Variants in NRP2 observed in about 807,000 individuals in gnomAD.
NRP2 encodes neuropilin-2.
Under a neutral mutation model 110.4 loss-of-function variants are expected in NRP2, and 52 were observed. The observed-to-expected ratio is 0.47, with a 90% CI of 0.38 to 0.59. The LOEUF (loss-of-function observed/expected upper bound fraction) is 0.59. NRP2 is among the 20% of genes least tolerant of loss of function. The pLI, the probability that NRP2 is intolerant of heterozygous loss-of-function variation, is 0.00. For synonymous variants in NRP2, 508 were observed against 468.9 expected (o/e 1.08, Z -1.08); for missense variants, 1,049 against 1,203.0 (o/e 0.87, Z 1.89).
chr2:205,788,146 C>A (rs2058256470), intron 15 of NRP2, among the ~76,000 whole-genome samples: 1 of 152,152 alleles, frequency 6.6e-6, no homozygotes, highest in Non-Finnish European at 1.5e-5. Flanking sequence ...GACCTTGAAT[C>A]ATGCCTCACC....
Position 205,743,342 on chromosome 2 carries a change from A to C in NRP2, c.1431A>C (p.Arg477=). The change falls in exon 9 of 17, where the codon CGA becomes CGC. Residue 477 remains arginine (R), a synonymous_variant. Transcript: ENST00000357785. The part of the protein sequence containing the change: ...LVSSRSGWFP[R]IPQAQPGEEW... Reference sequence around the variant, plus strand: ...GCAGCCGCTCGGGCTGGTTCCCTCGAATCCCTCAGGCCCAGCCCGGTGAGG... The same window carrying C: ...GCAGCCGCTCGGGCTGGTTCCCTCGCATCCCTCAGGCCCAGCCCGGTGAGG... 2 of 1,614,202 alleles carry C rather than the reference A, an allele frequency of 1.2e-6. No homozygotes were observed. The highest frequency in any genetic ancestry group is 1.7e-6 in the Non-Finnish European group (2 of 1,180,008).
At chr2:205,692,485 G>A (rs1044535241) in intron 1 of NRP2, among the ~76,000 whole-genome samples, 5 of 152,204 alleles carry the variant, frequency 3.3e-5, no homozygotes, top group Admixed American at 1.3e-4. Context: ...CAACGACTTA[G>A]ATGATCTGGG....
chr2:205,791,182 C>G (rs540176182), intron 15 of NRP2, among the ~76,000 whole-genome samples: 9 of 152,176 alleles, frequency 5.9e-5, no homozygotes, highest in African/African-American at 1.9e-4. Context: ...TTTTCTCCCT[C>G]TTGTCTGATA....
intron 16 of NRP2, among the ~76,000 whole-genome samples, chr2:205,793,231 A>C (rs964266418): frequency 6.6e-6 from 1 of 152,188 alleles, no homozygotes; most frequent in African/African-American, 2.4e-5. Context: ...ATGGAGTAGA[A>C]AGGGCAATGG....
At chr2:205,793,822 G>C (rs1042794241) in intron 16 of NRP2, among the ~76,000 whole-genome samples, 1 of 152,140 alleles carries the variant, frequency 6.6e-6, no homozygotes. Flanking sequence ...ATGAATTTAA[G>C]TGTCTGGGAG....
At chr2:205,703,737 T>A (rs780687384) in intron 2 of NRP2, among the ~76,000 whole-genome samples, 1 of 152,166 alleles carries the variant, frequency 6.6e-6, no homozygotes, top group Non-Finnish European at 1.5e-5. Flanking sequence ...GCTGGTGTCA[T>A]AGGCAGACAG....
At chr2:205,701,355 G>T (rs1221488805) in intron 2 of NRP2, 1 of 152,080 alleles carries the variant, frequency 6.6e-6, no homozygotes, top group Non-Finnish European at 1.5e-5. Context: ...GGTCAACATG[G>T]TGAAACCCCG....
intron 15 of NRP2, chr2:205,776,769 T>C: frequency 2.8e-6 from 4 of 1,417,212 alleles, no homozygotes; most frequent in Non-Finnish European, 3.7e-6. Context: ...ATGCTGCATC[T>C]TGGACTATCC....
chr2:205,780,830 G>A (rs572450254), intron 15 of NRP2, among the ~76,000 whole-genome samples: 1 of 152,292 alleles, frequency 6.6e-6, no homozygotes, highest in African/African-American at 2.4e-5. Flanking sequence ...AGATCTTACA[G>A]GAAGTTCTGT....
In NRP2 at chr2:205,752,922, G is replaced by A; in HGVS notation, c.1991G>A (p.Trp664Ter). 1 of 1,614,142 alleles carries A rather than the reference G, an allele frequency of 6.2e-7. No homozygotes were observed. Among genetic ancestry groups the A allele is most frequent in the South Asian group, 1.1e-5 (1 of 91,084 alleles). ...GGTTGGATGTATGACCATGCCAAGT[G>A]GCTCCGGACCACCTGGGCCAGCAGC... Reference protein sequence around the residue: ...PCGWMYDHAKWLRTTWASSSS... With the variant: ...PCGWMYDHAK The change falls in exon 12 of 17, where the codon TGG becomes TAG. Residue 664 changes from tryptophan (W) to a stop codon, truncating the protein, a stop_gained. Transcript: ENST00000357785. LOFTEE classifies it high-confidence loss of function.
rs866759234 is a variant in NRP2 at position 205,714,034 on chromosome 2, G to A, written c.252-2159G>A. Among the ~76,000 whole-genome samples the A allele has an allele frequency of 5.3e-5, 8 of 152,170 alleles. No individual in the cohort carries two copies. The South Asian group carries it at 1.5e-3, about 28-fold the overall frequency. On this transcript the variant is annotated intron_variant, in intron 2 of 16. Transcript: ENST00000357785. ...CATTTCTGAAAACAGGGTCGCTTCT[G>A]CTCTGTGGCTCAGCCTCCTTGCCTG...
chr2:205,794,362 G>A lies in NRP2; in HGVS notation c.2477-392G>A, dbSNP rs201317334. Among the ~76,000 whole-genome samples the A allele has an allele frequency of 9.9e-5, 15 of 152,048 alleles. No homozygotes were observed. In the East Asian group the frequency reaches 2.7e-3, roughly 27 times the overall value. ...CTTGACCTCGTGATCTGCCCGCCTC[G>A]GCCTCCCAAAGTGCTGGGATTACAG... On this transcript the variant is annotated intron_variant, in intron 16 of 16. Transcript: ENST00000357785.
Position 205,796,805 on chromosome 2 carries a change from GA to G in NRP2, c.*1750del, listed in dbSNP as rs1203397073. 6.6e-6 allele frequency: 1 copy of G among 152,654 alleles called. No homozygotes were observed. Among genetic ancestry groups the G allele is most frequent in the East Asian group, 1.9e-4 (1 of 5,200 alleles). 9.5% of individuals were successfully genotyped at this position (152,654 alleles called of 1,614,324 possible). On this transcript the variant is annotated 3_prime_UTR_variant, in exon 17 of 17. Transcript: ENST00000357785. The stretch of plus-strand genomic sequence containing the variant: ...TTGCCTGTGTGCTGGAAATATATTT[GA>G]AACTCAACCAGTATGCCCAGCCTAT...
At chr2:205,752,699 A>C in intron 11 of NRP2, 136 bp from the exon 12 acceptor site, 1 of 922,842 alleles carries the variant, frequency 1.1e-6, no homozygotes, top group Non-Finnish European at 1.7e-6. Context: ...AGATGAGTTA[A>C]ATGAATAAGC....
intron 12 of NRP2, among the ~76,000 whole-genome samples, chr2:205,754,114 A>G (rs1471767340): frequency 1.3e-5 from 2 of 152,242 alleles, no homozygotes; most frequent in South Asian, 4.1e-4. Context: ...AGTGACTTTG[A>G]ATTCTCCTGT....
chr2:205,795,129 TC>T lies in NRP2; in HGVS notation c.*73del. 1 of 1,435,902 alleles carries T rather than the reference TC, an allele frequency of 7.0e-7. No homozygotes were observed. Among genetic ancestry groups the T allele is most frequent in the Non-Finnish European group, 9.6e-7 (1 of 1,038,990 alleles). 88.9% of individuals were successfully genotyped at this position (1,435,902 alleles called of 1,614,324 possible). On this transcript the variant is annotated 3_prime_UTR_variant, in exon 17 of 17. Transcript: ENST00000357785. ...GGCTGGGGAAGATTACATTTTTTTTTCCTTTGGAAACTGAATGCCATAATCT... is the reference window on the plus strand; with the variant it reads ...GGCTGGGGAAGATTACATTTTTTTTTCTTTGGAAACTGAATGCCATAATCT...
intron 12 of NRP2, chr2:205,756,484 A>C (rs1230080566): frequency 6.6e-6 from 1 of 152,222 alleles, no homozygotes; most frequent in African/African-American, 2.4e-5. Context: ...GCCATGAGCC[A>C]TGTGTGGCAA....
rs537153283 is a variant in NRP2, at chr2:205,706,993, C to A, written c.252-9200C>A. Among the ~76,000 whole-genome samples the A allele has an allele frequency of 8.5e-5, 13 of 152,350 alleles. No individual in the cohort carries two copies. In the East Asian group the frequency reaches 2.5e-3, roughly 29 times the overall value. On this transcript the variant is annotated intron_variant, in intron 2 of 16. Coordinates refer to ENST00000357785, the MANE Select transcript of NRP2 (RefSeq NM_003872.3). ...ATCCTTCAAGGTCTGACTCACACAG[C>A]TCCCATCCTGCTTAGAGACTTCCTG...
rs1231195836 is a variant in NRP2 at position 205,776,237 on chromosome 2, C to T, written c.2425+9434C>T. On this transcript the variant is annotated intron_variant, in intron 15 of 16. Transcript: ENST00000357785. Reference sequence around the variant, plus strand: ...AGCCTAGCAACACTCTTCTGTGTCTCTCCACCAGGGGGCACCCTCCTGCCA... The same window carrying T: ...AGCCTAGCAACACTCTTCTGTGTCTTTCCACCAGGGGGCACCCTCCTGCCA... 1.2e-5 allele frequency: 20 copies of T among 1,611,570 alleles called. No individual in the cohort carries two copies. Among genetic ancestry groups the T allele is most frequent in the Non-Finnish European group, 1.5e-5 (18 of 1,179,686 alleles).
Sources: allele counts gnomAD v4.1 joint callset (sites outside exome capture counted in the v4.1 genomes callset), GRCh38; gene constraint gnomAD v4.1.1; transcripts MANE v1.5; gene names NCBI Gene and HGNC (gene_info 2026-07-23, HGNC 2026-07-21).